LRRC8D: variants seen among roughly 807,000 people sequenced by gnomAD.
The protein encoded by LRRC8D is volume-regulated anion channel subunit LRRC8D.
A neutral mutation model predicts 55.8 loss-of-function variants in LRRC8D; 20 were observed. The observed-to-expected ratio is 0.36, with a 90% CI of 0.25 to 0.52. LRRC8D has a LOEUF of 0.52. LRRC8D is among the 20% of genes least tolerant of loss of function. The pLI is 0.93. For synonymous variants in LRRC8D, 352 were observed against 377.0 expected (o/e 0.93, Z 0.77); for missense variants, 651 against 1,030.8 (o/e 0.63, Z 5.05).
intron 2 of LRRC8D, among the ~76,000 whole-genome samples, chr1:89,873,930 G>A (rs536081589): frequency 1.3e-5 from 2 of 152,302 alleles, no homozygotes; most frequent in South Asian, 4.1e-4. Flanking sequence ...TCTTGTGGGA[G>A]TTGCCATTCA....
rs1304386429 is a variant in LRRC8D, at chr1:89,834,165, CAG to C, written c.-147-9471_-147-9470del. ...AAATATTGTGAAATTTTCTTTATAA[CAG>C]AACAAAATTGGGTCAGGAGAAAGGA... is the stretch of plus-strand genomic sequence containing the variant. On this transcript the variant is annotated intron_variant, in intron 1 of 2. Transcript: ENST00000337338. 2.0e-5 allele frequency among the ~76,000 whole-genome samples: 3 copies of C among 152,294 alleles called. No individual in the cohort carries two copies. The South Asian group carries it at 6.2e-4, about 32-fold the overall frequency.
intron 2 of LRRC8D, among the ~76,000 whole-genome samples, chr1:89,931,541 A>C (rs1663705722): frequency 1.3e-5 from 2 of 152,096 alleles, no homozygotes; most frequent in Non-Finnish European, 2.9e-5. Flanking sequence ...TGGGCAGATC[A>C]CAAGGTCAGG....
chr1:89,853,392 T>A (rs1306080950), intron 2 of LRRC8D, among the ~76,000 whole-genome samples: 3 of 152,074 alleles, frequency 2.0e-5, no homozygotes, highest in African/African-American at 7.2e-5. Context: ...TGGAGACAAT[T>A]ATTGAAGAGT....
chr1:89,932,643 A>G (rs1429024903), intron 2 of LRRC8D, among the ~76,000 whole-genome samples: 1 of 152,254 alleles, frequency 6.6e-6, no homozygotes, highest in Non-Finnish European at 1.5e-5. Flanking sequence ...ACATAAGACT[A>G]TCCAAAGTTT....
intron 1 of LRRC8D, among the ~76,000 whole-genome samples, chr1:89,834,311 G>A (rs1660954019): frequency 6.6e-6 from 1 of 152,162 alleles, no homozygotes; most frequent in African/African-American, 2.4e-5. Context: ...GGTGGGAAAC[G>A]AAAGTTAGCA....
chr1:89,905,084 T>C (rs1662957196), intron 2 of LRRC8D, among the ~76,000 whole-genome samples: 1 of 152,086 alleles, frequency 6.6e-6, no homozygotes, highest in Non-Finnish European at 1.5e-5. Context: ...TGGAAAGAAA[T>C]GTCATGCTGC....
At chr1:89,863,949 C>T (rs1479418598) in intron 2 of LRRC8D, among the ~76,000 whole-genome samples, 1 of 152,190 alleles carries the variant, frequency 6.6e-6, no homozygotes, top group Non-Finnish European at 1.5e-5. Flanking sequence ...GTGCATTGGT[C>T]ACTTGAACTT....
At chr1:89,909,502 T>C (rs956512613) in intron 2 of LRRC8D, among the ~76,000 whole-genome samples, 1 of 151,520 alleles carries the variant, frequency 6.6e-6, no homozygotes, top group African/African-American at 2.4e-5. Flanking sequence ...AGACAGAGGA[T>C]GTATATGGGG....
intron 1 of LRRC8D, among the ~76,000 whole-genome samples, chr1:89,824,941 T>C (rs946602480): frequency 6.6e-6 from 1 of 152,242 alleles, no homozygotes; most frequent in African/African-American, 2.4e-5. Flanking sequence ...CAAACTTCTT[T>C]ATTAGATAAT....
intron 2 of LRRC8D, among the ~76,000 whole-genome samples, chr1:89,913,711 G>A (rs890336515): frequency 6.6e-6 from 1 of 152,122 alleles, no homozygotes; most frequent in Non-Finnish European, 1.5e-5. Context: ...CACCATCTTC[G>A]AAATATTTTC....
chr1:89,873,062 G>A (rs1041041272), intron 2 of LRRC8D, among the ~76,000 whole-genome samples: 1 of 152,124 alleles, frequency 6.6e-6, no homozygotes, highest in African/African-American at 2.4e-5. Context: ...CAGTTGTTTT[G>A]TTCTCACCAA....
At chr1:89,907,343 A>G (rs530281884) in intron 2 of LRRC8D, among the ~76,000 whole-genome samples, 10 of 151,870 alleles carry the variant, frequency 6.6e-5, no homozygotes, top group African/African-American at 2.4e-4. Flanking sequence ...GGCACAGACC[A>G]CCACACCTGG....
At chr1:89,882,280 G>A (rs1662303436) in intron 2 of LRRC8D, among the ~76,000 whole-genome samples, 2 of 152,250 alleles carry the variant, frequency 1.3e-5, no homozygotes, top group Non-Finnish European at 2.9e-5. Context: ...GAATAAGGTA[G>A]AGATATCCCT....
At chr1:89,850,268 TTTTA>T (rs937739621) in intron 2 of LRRC8D, among the ~76,000 whole-genome samples, 3 of 152,176 alleles carry the variant, frequency 2.0e-5, no homozygotes, top group African/African-American at 7.2e-5. Context: ...TGATACACTG[TTTTA>T]TTTATTTATT....
intron 2 of LRRC8D, among the ~76,000 whole-genome samples, chr1:89,914,555 T>A (rs887422262): frequency 3.3e-5 from 5 of 152,152 alleles, no homozygotes; most frequent in Non-Finnish European, 7.3e-5. Flanking sequence ...TATACTTACG[T>A]TTATATGTCA....
At chr1:89,851,762 G>C (rs996671118) in intron 2 of LRRC8D, among the ~76,000 whole-genome samples, 3 of 151,928 alleles carry the variant, frequency 2.0e-5, no homozygotes, top group Admixed American at 2.0e-4. Context: ...CACCTGCCTC[G>C]GCCTCCCAAA....
In LRRC8D at chr1:89,935,738, A is replaced by G. The variant is rs192667728; in HGVS notation, c.*93A>G. 1,586 of 1,117,270 alleles carry G rather than the reference A, an allele frequency of 1.4e-3. 1 individual carries two copies. Among genetic ancestry groups the G allele is most frequent in the Admixed American group, 3.3e-3 (154 of 46,316 alleles). 69.2% of individuals were successfully genotyped at this position (1,117,270 alleles called of 1,614,324 possible). On this transcript the variant is annotated 3_prime_UTR_variant, in exon 3 of 3. Coordinates refer to ENST00000337338, the MANE Select transcript of LRRC8D (RefSeq NM_001134479.2). ...TTATTACAAGATAATGCATTTTAGG[A>G]GTAGATACATCTTTTAAAATAAAAC... is the stretch of plus-strand genomic sequence containing the variant.
chr1:89,832,589 TG>T (rs1455025596), intron 1 of LRRC8D, among the ~76,000 whole-genome samples: 2 of 152,218 alleles, frequency 1.3e-5, no homozygotes, highest in African/African-American at 2.4e-5. Context: ...GGAAACCATT[TG>T]TAGTATTGAG....
At chr1:89,884,527 G>C (rs1159770436) in intron 2 of LRRC8D, among the ~76,000 whole-genome samples, 1 of 152,228 alleles carries the variant, frequency 6.6e-6, no homozygotes. Flanking sequence ...TTATGGCGAA[G>C]AGCAGGTTCC....
Sources: gnomAD v4.1 joint callset for allele counts (sites outside exome capture counted in the v4.1 genomes callset) on GRCh38, gnomAD v4.1.1 for gene constraint, MANE v1.5 for transcripts, NCBI Gene and HGNC (gene_info 2026-07-23, HGNC 2026-07-21) for gene names.